The following PHF20 variants were observed in gnomAD, a reference collection of about 807,000 sequenced individuals.
PHF20 encodes the protein PHD finger protein 20, also known as glioma-expressed antigen 2.
A neutral mutation model predicts 113.5 loss-of-function variants in PHF20; 23 were observed. The ratio of observed to expected loss-of-function variants is 0.20; its 90% CI spans 0.15 to 0.29. PHF20 has a LOEUF of 0.29. PHF20 is among the 10% of genes least tolerant of loss of function. The pLI, the probability that PHF20 is intolerant of heterozygous loss-of-function variation, is 1.00. For missense variants in PHF20, 943 were observed against 1,219.6 expected, an observed-to-expected ratio of 0.77 and a Z score of 3.38; for synonymous variants, 434 against 457.3, an observed-to-expected ratio of 0.95 and a Z score of 0.65.
At chr20:35,924,917 A>G (rs1409218226) in intron 13 of PHF20, among the ~76,000 whole-genome samples, 1 of 151,818 alleles carries the variant, frequency 6.6e-6, no homozygotes, top group Non-Finnish European at 1.5e-5. Context: ...TCTTTTTTTT[A>G]AGCTATATAA....
chr20:35,877,451 A>C lies in PHF20; in HGVS notation c.1282+5622A>C, dbSNP rs541788358. Among the ~76,000 whole-genome samples, 831 of 145,970 alleles carry C rather than the reference A, an allele frequency of 5.7e-3. 9 individuals are homozygous for C. Among genetic ancestry groups the C allele is most frequent in the African/African-American group, 0.019 (769 of 39,764 alleles). On this transcript the variant is annotated intron_variant, in intron 9 of 17. Coordinates refer to ENST00000374012, the MANE Select transcript of PHF20 (RefSeq NM_016436.5). The stretch of plus-strand genomic sequence containing the variant: ...TTTCTTTTCTTTTTTTTCTTTTTTT[A>C]TTTTTATTTTTTATTTTTGAGACAG...
chr20:35,864,167 T>G (rs1269354687), intron 6 of PHF20, among the ~76,000 whole-genome samples: 1 of 152,154 alleles, frequency 6.6e-6, no homozygotes, highest in East Asian at 1.9e-4. Flanking sequence ...TTCTTGATTG[T>G]GCATTCTTTA....
At chr20:35,806,470 G>A (rs948997483) in intron 2 of PHF20, among the ~76,000 whole-genome samples, 3 of 151,918 alleles carry the variant, frequency 2.0e-5, no homozygotes, top group African/African-American at 7.3e-5. Flanking sequence ...ACATATTTAG[G>A]TTTTTAATCC....
chr20:35,863,188 A>G lies in PHF20; in HGVS notation c.596A>G (p.Lys199Arg), dbSNP rs2054249017. The change falls in exon 6 of 18, where the codon AAG becomes AGG. Residue 199 changes from lysine (K) to arginine (R), a missense_variant. Coordinates refer to ENST00000374012, the MANE Select transcript of PHF20 (RefSeq NM_016436.5). ...KRPKQPDKEG[K>R]LICSEKGKVS... Reference sequence around the variant, plus strand: ...CCCAAGCAGCCTGATAAAGAAGGAAAGTTAATCTGTTCTGAAAAGGGGAAA... The same window carrying G: ...CCCAAGCAGCCTGATAAAGAAGGAAGGTTAATCTGTTCTGAAAAGGGGAAA... 1 of 1,613,612 alleles carries G rather than the reference A, an allele frequency of 6.2e-7. No homozygotes were observed. Among genetic ancestry groups the G allele is most frequent in the African/African-American group, 1.3e-5 (1 of 74,920 alleles).
chr20:35,847,528 T>C (rs1205031885), intron 4 of PHF20, 94 bp downstream of exon 4: 1 of 771,764 alleles, frequency 1.3e-6, no homozygotes, highest in Non-Finnish European at 2.2e-6. Flanking sequence ...ATTTTCAGTA[T>C]TTATTTACTG....
intron 13 of PHF20, among the ~76,000 whole-genome samples, chr20:35,918,005 C>T (rs1490089665): frequency 6.6e-6 from 1 of 152,144 alleles, no homozygotes; most frequent in Non-Finnish European, 1.5e-5. Context: ...GTTTAATCTT[C>T]CCATGGACTC....
intron 9 of PHF20, among the ~76,000 whole-genome samples, chr20:35,891,683 C>T (rs1273902268): frequency 6.6e-6 from 1 of 152,122 alleles, no homozygotes; most frequent in African/African-American, 2.4e-5. Context: ...CAGAGGGCTC[C>T]TTTTGGCTGT....
At chr20:35,787,883 TTCTC>T (rs2041455304) in intron 1 of PHF20, among the ~76,000 whole-genome samples, 1 of 5,488 alleles carries the variant, frequency 1.8e-4, no homozygotes, top group Non-Finnish European at 7.2e-4. Flanking sequence ...GTTCAAGTGA[TTCTC>T]CTGCCTCAGC....
At chr20:35,802,864 G>A (rs539932789) in intron 2 of PHF20, among the ~76,000 whole-genome samples, 7 of 151,108 alleles carry the variant, frequency 4.6e-5, no homozygotes, top group African/African-American at 9.7e-5. Flanking sequence ...GCTTGAACCC[G>A]GGAGGTGGAG....
chr20:35,855,358 GTTC>G lies in PHF20; in HGVS notation c.341-2941_341-2939del, dbSNP rs1308705873. On this transcript the variant is annotated intron_variant, in intron 4 of 17. Coordinates refer to ENST00000374012, the MANE Select transcript of PHF20 (RefSeq NM_016436.5). The stretch of plus-strand genomic sequence containing the variant: ...ATTGTTTATGCTCTTATCCTTTTAT[GTTC>G]TTATCCTTTTATCATAGCCTGTTCA... The G allele has an allele frequency of 1.9e-5, 13 of 699,400 alleles. No homozygotes were observed. In the African/African-American group the frequency reaches 2.5e-4, roughly 13 times the overall value. 43.3% of individuals were successfully genotyped at this position (699,400 alleles called of 1,614,324 possible).
rs544633498 is a variant in PHF20, at chr20:35,891,035, A to G, written c.1283-8335A>G. ...AACAGTCTTGGAGAGGCTAGCTCCC[A>G]TGTTTGATGTGACAGTACACTAACA... is the stretch of plus-strand genomic sequence containing the variant. On this transcript the variant is annotated intron_variant, in intron 9 of 17. Transcript: ENST00000374012. 2.6e-5 allele frequency among the ~76,000 whole-genome samples: 4 copies of G among 152,352 alleles called. No homozygotes were observed. The South Asian group carries it at 6.2e-4, about 24-fold the overall frequency.
intron 6 of PHF20, among the ~76,000 whole-genome samples, chr20:35,864,444 A>ACT (rs1227835829): frequency 6.7e-6 from 1 of 148,532 alleles, no homozygotes; most frequent in Non-Finnish European, 1.5e-5. Context: ...ACACACACAC[A>ACT]CACACACAAA....
intron 2 of PHF20, among the ~76,000 whole-genome samples, chr20:35,805,954 TC>T (rs1352714080): frequency 6.6e-6 from 1 of 151,868 alleles, no homozygotes; most frequent in Non-Finnish European, 1.5e-5. Context: ...CTCCACCTCC[TC>T]CTGGGTTCAA....
chr20:35,942,721 T>A (rs1273326171), intron 17 of PHF20, among the ~76,000 whole-genome samples: 3 of 152,228 alleles, frequency 2.0e-5, no homozygotes, highest in African/African-American at 7.2e-5. Context: ...AGCTTAAAGA[T>A]TTTATTTAGG....
intron 16 of PHF20, among the ~76,000 whole-genome samples, chr20:35,939,519 G>A (rs571993126): frequency 1.8e-4 from 27 of 152,340 alleles, no homozygotes; most frequent in African/African-American, 6.5e-4. Context: ...TTTCAATCCA[G>A]TTGTATGATA....
intron 9 of PHF20, among the ~76,000 whole-genome samples, chr20:35,885,879 C>A (rs764288204): frequency 7.2e-5 from 11 of 152,180 alleles, no homozygotes; most frequent in Non-Finnish European, 1.5e-4. Context: ...ATTTTAGCAT[C>A]TACTGGTATT....
chr20:35,860,256 T>C (rs373792193), intron 5 of PHF20, among the ~76,000 whole-genome samples: 38 of 150,630 alleles, frequency 2.5e-4, no homozygotes, highest in South Asian at 1.9e-3. Context: ...TTTTTTTTTT[T>C]TTGAGATGGA....
chr20:35,806,261 G>A, intron 2 of PHF20, among the ~76,000 whole-genome samples: 1 of 150,628 alleles, frequency 6.6e-6, no homozygotes, highest in Admixed American at 6.7e-5. Flanking sequence ...CCAGGCTCAG[G>A]TGATCCTCTC....
chr20:35,803,267 A>AT (rs2041817684), intron 2 of PHF20, among the ~76,000 whole-genome samples: 1 of 150,742 alleles, frequency 6.6e-6, no homozygotes, highest in African/African-American at 2.4e-5. Flanking sequence ...AAAAAAAAAA[A>AT]GAAAAAAGAA....
Sources: allele counts gnomAD v4.1 joint callset (sites outside exome capture counted in the v4.1 genomes callset), GRCh38; gene constraint gnomAD v4.1.1; transcripts MANE v1.5; gene names NCBI Gene and HGNC (gene_info 2026-07-23, HGNC 2026-07-21).